ESRRB: variants seen among roughly 807,000 people sequenced by gnomAD.
The protein encoded by ESRRB is estrogen related receptor beta.
A neutral mutation model predicts 46.0 loss-of-function variants in ESRRB; 16 were observed. That is an observed-to-expected ratio of 0.35 (90% CI 0.24 to 0.53). The LOEUF is 0.53. ESRRB is among the 20% of genes least tolerant of loss of function. The pLI, the probability that ESRRB is intolerant of heterozygous loss-of-function variation, is 0.93. For missense variants in ESRRB, 488 were observed against 607.4 expected (o/e 0.80, Z 2.07); for synonymous variants, 246 against 259.6 (o/e 0.95, Z 0.50).
At chr14:76,354,220 A>ACCC (rs1431949106) in intron 1 of ESRRB, among the ~76,000 whole-genome samples, 4 of 28,290 alleles carry the variant, frequency 1.4e-4, no homozygotes, top group African/African-American at 3.2e-4. Context: ...AGGGTCCTCT[A>ACCC]CCCGCCCCCC....
At chr14:76,453,594 G>C (rs1888482970) in intron 2 of ESRRB, among the ~76,000 whole-genome samples, 1 of 143,500 alleles carries the variant, frequency 7.0e-6, no homozygotes, top group African/African-American at 2.9e-5. Context: ...CTGAAAAAAA[G>C]CTCTTTTTTT....
chr14:76,419,835 C>T (rs11159206), intron 1 of ESRRB, among the ~76,000 whole-genome samples: 142,428 of 152,226 alleles, frequency 0.94, 66,728 homozygotes, highest in East Asian at 1. Context: ...CCCTGTGCCC[C>T]TTCCAGTTTA....
intron 1 of ESRRB, among the ~76,000 whole-genome samples, chr14:76,418,234 C>A (rs944464434): frequency 2.0e-5 from 3 of 152,100 alleles, no homozygotes; most frequent in Admixed American, 6.5e-5. Context: ...AGATTACAGG[C>A]GTGAGCCACT....
In ESRRB at chr14:76,439,785, G is replaced by A. The variant is rs1308640495; in HGVS notation, c.460+35G>A. The A allele has an allele frequency of 3.1e-6, 5 of 1,605,920 alleles. No individual in the cohort carries two copies. In the Admixed American group the frequency reaches 8.4e-5, roughly 27 times the overall value. The stretch of plus-strand genomic sequence containing the variant: ...GGGCCTCAAGGAGCCTGGGCGCAGG[G>A]TTGGGGGTGGCAGCCGTGCCTGCGG... On this transcript the variant is annotated intron_variant, in intron 2 of 6. Coordinates refer to ENST00000644823, the MANE Select transcript of ESRRB (RefSeq NM_001379180.1).
chr14:76,469,929 G>GTTTTTTTTTTTTTTTTTTTT (rs769935944), intron 3 of ESRRB, among the ~76,000 whole-genome samples: 6 of 78,712 alleles, frequency 7.6e-5, no homozygotes, highest in Non-Finnish European at 8.4e-5. Context: ...GTTTTTTGTT[G>GTTTTTTTTTTTTTTTTTTTT]TTTTTTTTTT....
In ESRRB at chr14:76,436,183, G is replaced by A. The variant is rs554854293; in HGVS notation, c.51-3158G>A. On this transcript the variant is annotated intron_variant, in intron 1 of 6. Coordinates refer to ENST00000644823, the MANE Select transcript of ESRRB (RefSeq NM_001379180.1). ...ACCAAGGCTTGGGGAGCAAACCGCCGCCTGCTCTGGTGTCCTTCAGGGTTG... is the reference window on the plus strand; with the variant it reads ...ACCAAGGCTTGGGGAGCAAACCGCCACCTGCTCTGGTGTCCTTCAGGGTTG... 1.7e-3 allele frequency among the ~76,000 whole-genome samples: 262 copies of A among 152,352 alleles called. 1 individual carries two copies. Among genetic ancestry groups the A allele is most frequent in the African/African-American group, 6.0e-3 (251 of 41,578 alleles).
intron 2 of ESRRB, among the ~76,000 whole-genome samples, chr14:76,442,084 C>T (rs1887944146): frequency 6.6e-6 from 1 of 152,238 alleles, no homozygotes; most frequent in Non-Finnish European, 1.5e-5. Flanking sequence ...CATTGGCTAA[C>T]CATCAGGGCT....
chr14:76,435,550 C>G (rs1003914421), intron 1 of ESRRB, among the ~76,000 whole-genome samples: 1 of 152,202 alleles, frequency 6.6e-6, no homozygotes, highest in African/African-American at 2.4e-5. Context: ...GGAAATGAGG[C>G]GGGGTGTGGT....
intron 3 of ESRRB, among the ~76,000 whole-genome samples, chr14:76,465,332 A>AAAGAG (rs1467005160): frequency 6.6e-6 from 1 of 152,144 alleles, no homozygotes; most frequent in African/African-American, 2.4e-5. Context: ...ACCATCTTGT[A>AAAGAG]ACACTGAGCA....
At position 76,397,408 on chromosome 14, in the gene ESRRB, C is replaced by G. The variant is rs528460942; in HGVS notation, c.50+20957C>G. ...GACCGCTCTGACTTTCCTTCTCTGC[C>G]CTCTGATGCTACCCACGCAAAACAG... is the stretch of plus-strand genomic sequence containing the variant. On this transcript the variant is annotated intron_variant, in intron 1 of 6. Coordinates refer to ENST00000644823, the MANE Select transcript of ESRRB (RefSeq NM_001379180.1). Among the ~76,000 whole-genome samples, 13 of 152,290 alleles carry G rather than the reference C, an allele frequency of 8.5e-5. No individual in the cohort carries two copies. In the South Asian group the frequency reaches 2.7e-3, roughly 32 times the overall value.
intron 1 of ESRRB, among the ~76,000 whole-genome samples, chr14:76,406,592 A>G (rs1005252611): frequency 1.3e-5 from 2 of 152,144 alleles, no homozygotes; most frequent in African/African-American, 2.4e-5. Flanking sequence ...AAAAATACAA[A>G]AAACTAGCCA....
intron 1 of ESRRB, among the ~76,000 whole-genome samples, chr14:76,353,036 G>A (rs1480127350): frequency 2.6e-5 from 4 of 152,376 alleles, no homozygotes; most frequent in East Asian, 3.9e-4. Flanking sequence ...CCGTGGCCAC[G>A]GACCTTTGCC....
Position 76,491,430 on chromosome 14 carries a change from G to A in ESRRB, c.851-17G>A. 1.9e-6 allele frequency: 3 copies of A among 1,606,702 alleles called. No homozygotes were observed. Among genetic ancestry groups the A allele is most frequent in the Non-Finnish European group, 2.5e-6 (3 of 1,177,706 alleles). On this transcript the variant is annotated splice_polypyrimidine_tract_variant and intron_variant, in intron 5 of 6. Transcript: ENST00000644823. Reference sequence around the variant, plus strand: ...CTCCTGACCTGCTGCTGCCCTCTGTGCCCCCTCTTCCTGCAGGCTTCTCAA... The same window carrying A: ...CTCCTGACCTGCTGCTGCCCTCTGTACCCCCTCTTCCTGCAGGCTTCTCAA...
chr14:76,376,438 G>A lies in ESRRB; in HGVS notation c.37G>A (p.Gly13Ser). Residue 13 changes from glycine to serine, a missense_variant, in exon 1 of 7, where the codon GGC becomes AGC. By Grantham distance (56) the Gly-to-Ser change is moderately conservative. Transcript: ENST00000644823. This position sits in a 1 kb window ranked among gnomAD's most constrained non-coding sequence, Gnocchi z 4.1. ...VSELCIPDPL[G>S]YHNQLLNRMS... ...CGAACTCTGCATCCCGGACCCCCTC[G>A]GCTACCACAACCAGTAGGTGCCCTG... is the stretch of plus-strand genomic sequence containing the variant. 1.6e-6 allele frequency: 2 copies of A among 1,231,600 alleles called. No homozygotes were observed. Among genetic ancestry groups the A allele is most frequent in the Non-Finnish European group, 2.0e-6 (2 of 987,964 alleles). 76.3% of individuals were successfully genotyped at this position (1,231,600 alleles called of 1,614,324 possible).
intron 1 of ESRRB, among the ~76,000 whole-genome samples, chr14:76,402,572 C>T (rs540579398): frequency 1.2e-4 from 18 of 152,328 alleles, no homozygotes; most frequent in Admixed American, 1.2e-3. Flanking sequence ...GCTGTGCCAG[C>T]TGCAAGAAAG....
chr14:76,365,312 C>CA (rs1202680021), intron 1 of ESRRB, among the ~76,000 whole-genome samples: 2 of 152,260 alleles, frequency 1.3e-5, no homozygotes, highest in South Asian at 2.1e-4. Context: ...CTTGTCTCTA[C>CA]AAAAAAATTT....
intron 1 of ESRRB, chr14:76,311,036 C>T (rs1285700408): frequency 1.3e-5 from 5 of 391,488 alleles, no homozygotes; most frequent in Non-Finnish European, 2.5e-5. Context: ...ATAAAAATAT[C>T]TCCCCATGCC....
intron 1 of ESRRB, among the ~76,000 whole-genome samples, chr14:76,389,842 T>C (rs1344117838): frequency 6.6e-6 from 1 of 152,188 alleles, no homozygotes; most frequent in Non-Finnish European, 1.5e-5. Flanking sequence ...ACTCCTCACT[T>C]CCTCATATCT....
Position 76,482,077 on chromosome 14 carries a change from G to C in ESRRB, c.639G>C (p.Glu213Asp). Reference sequence around the variant, plus strand: ...AATACAAGCGACGGCTGGACTCAGAGAGCAGCCCATACCTGAGCTTACAAA... The same window carrying C: ...AATACAAGCGACGGCTGGACTCAGACAGCAGCCCATACCTGAGCTTACAAA... ...RQKYKRRLDS[E>D]SSPYLSLQIS... Residue 213 changes from glutamate (E) to aspartate (D), a missense_variant, in exon 4 of 7, where the codon GAG (glutamate) becomes GAC (aspartate). Coordinates refer to ENST00000644823, the MANE Select transcript of ESRRB (RefSeq NM_001379180.1). This position sits in a 1 kb window ranked among gnomAD's most constrained non-coding sequence, Gnocchi z 4.3. 6.2e-7 allele frequency: 1 copy of C among 1,614,246 alleles called. No homozygotes were observed. Among genetic ancestry groups the C allele is most frequent in the Non-Finnish European group, 8.5e-7 (1 of 1,180,048 alleles).
Sources: allele counts gnomAD v4.1 joint callset (sites outside exome capture counted in the v4.1 genomes callset), GRCh38; gene constraint gnomAD v4.1.1; non-coding constraint Gnocchi (gnomAD v3.1); transcripts MANE v1.5; gene names NCBI Gene and HGNC (gene_info 2026-07-23, HGNC 2026-07-21).